Variants in STARD13 observed in about 807,000 individuals in gnomAD.
STARD13 encodes the protein StAR related lipid transfer domain containing 13.
STARD13 carries 62 observed loss-of-function variants against 106.4 expected under a neutral mutation model. The ratio of observed to expected loss-of-function variants is 0.58; its 90% CI spans 0.48 to 0.72. The LOEUF (loss-of-function observed/expected upper bound fraction) is 0.72. Among genes scored for constraint, STARD13 ranks in the 30% least tolerant of loss-of-function variants. The probability of loss-of-function intolerance (pLI) is 0.00; values close to 1 mark genes in which losing one functional copy is unlikely to be tolerated. For synonymous variants in STARD13, 565 were observed against 553.0 expected (o/e 1.02, Z -0.31); for missense variants, 1,387 against 1,424.0 (o/e 0.97, Z 0.42).
intron 3 of STARD13, among the ~76,000 whole-genome samples, chr13:33,152,346 C>T (rs947759936): frequency 2.7e-5 from 4 of 149,932 alleles, no homozygotes; most frequent in Admixed American, 1.3e-4. Flanking sequence ...TTTTTTTCTT[C>T]TTCTCTTCTC....
intron 3 of STARD13, chr13:33,155,404 A>G (rs969737261): frequency 1.3e-5 from 2 of 152,206 alleles, no homozygotes; most frequent in African/African-American, 4.8e-5. Flanking sequence ...CACTCACTAA[A>G]TGTTAGCCAT....
chr13:33,241,880 A>C (rs1433642247), intron 1 of STARD13, among the ~76,000 whole-genome samples: 1 of 152,088 alleles, frequency 6.6e-6, no homozygotes, highest in Non-Finnish European at 1.5e-5. Flanking sequence ...GGCCTGATCT[A>C]GGCTCACTAC....
At chr13:33,650,483 C>G in the STARD13 span, among the ~76,000 whole-genome samples, 7 of 152,024 alleles carry the variant, frequency 4.6e-5, no homozygotes, top group Admixed American at 3.9e-4. Context: ...AGCCACCGCG[C>G]CCGGCCGACT....
At chr13:33,230,818 T>TGCCA (rs1158881134) in intron 1 of STARD13, among the ~76,000 whole-genome samples, 3 of 152,346 alleles carry the variant, frequency 2.0e-5, no homozygotes, top group Admixed American at 2.0e-4. Flanking sequence ...ATGTGCAAAG[T>TGCCA]GCCAGCGAGG....
the STARD13 span, among the ~76,000 whole-genome samples, chr13:33,669,394 C>A: frequency 6.6e-6 from 1 of 152,178 alleles, no homozygotes; most frequent in Non-Finnish European, 1.5e-5. Context: ...CTCATGCTTT[C>A]TCCAGCCTCT....
At chr13:33,255,277 C>A (rs1890302909) in intron 1 of STARD13, among the ~76,000 whole-genome samples, 1 of 152,242 alleles carries the variant, frequency 6.6e-6, no homozygotes, top group South Asian at 2.1e-4. Context: ...CTCAGAGGGA[C>A]CCCAGTGTCA....
At chr13:33,197,790 A>G (rs1886741570) in intron 1 of STARD13, among the ~76,000 whole-genome samples, 1 of 152,196 alleles carries the variant, frequency 6.6e-6, no homozygotes, top group East Asian at 1.9e-4. Context: ...ATTGCCACTG[A>G]ATTTCCATCC....
chr13:33,262,631 A>C, intron 1 of STARD13, among the ~76,000 whole-genome samples: 2 of 132,338 alleles, frequency 1.5e-5, no homozygotes, highest in Non-Finnish European at 3.2e-5. Flanking sequence ...CCCACACCAC[A>C]CCCAGAACCC....
At chr13:33,431,160 T>G in the STARD13 span, among the ~76,000 whole-genome samples, 3 of 152,326 alleles carry the variant, frequency 2.0e-5, no homozygotes, top group East Asian at 5.8e-4. Flanking sequence ...ATGAATGTAT[T>G]AAATTATCAC....
chr13:33,207,015 T>C (rs1212810343), intron 1 of STARD13, among the ~76,000 whole-genome samples: 1 of 152,226 alleles, frequency 6.6e-6, no homozygotes, highest in Non-Finnish European at 1.5e-5. Context: ...AAGAACTTTG[T>C]TGTTATTATG....
chr13:33,205,791 CCT>C (rs1887377655), intron 1 of STARD13: 1 of 935,216 alleles, frequency 1.1e-6, no homozygotes, highest in Non-Finnish European at 1.3e-6. Flanking sequence ...ACCACCACGA[CCT>C]CTTTTTCTAT....
the STARD13 span, among the ~76,000 whole-genome samples, chr13:33,604,406 C>A: frequency 2.0e-5 from 3 of 152,126 alleles, no homozygotes; most frequent in African/African-American, 4.8e-5. Flanking sequence ...AGGAGAAGAT[C>A]TTAGGAGAAA....
At chr13:33,635,956 C>T in the STARD13 span, among the ~76,000 whole-genome samples, 1 of 151,878 alleles carries the variant, frequency 6.6e-6, no homozygotes, top group African/African-American at 2.4e-5. Flanking sequence ...TGCACTTCAG[C>T]CTGGGCGACA....
chr13:33,170,781 T>C (rs1373771688), intron 1 of STARD13, among the ~76,000 whole-genome samples: 1 of 152,116 alleles, frequency 6.6e-6, no homozygotes, highest in Non-Finnish European at 1.5e-5. Context: ...AGTCCCAACA[T>C]CTTGATACCT....
At chr13:33,163,887 A>G (rs1883037873) in intron 3 of STARD13, among the ~76,000 whole-genome samples, 1 of 151,784 alleles carries the variant, frequency 6.6e-6, no homozygotes, top group Non-Finnish European at 1.5e-5. Flanking sequence ...AAACTGAGAG[A>G]TAAAACTCAG....
rs71196510 is a variant in STARD13, at chr13:33,190,588, C to CTTT, written c.170-22969_170-22967dup. ...ATTTCGTTTTCTTTTCTTTTCTTTT[C>CTTT]TTTTTTTTTTTTTTTTGAGACCAAG... On this transcript the variant is annotated intron_variant, in intron 1 of 13. Coordinates refer to ENST00000336934, the MANE Select transcript of STARD13 (RefSeq NM_178006.4). 3.1e-3 allele frequency among the ~76,000 whole-genome samples: 407 copies of CTTT among 131,186 alleles called. 2 individuals carry two copies. The highest frequency in any genetic ancestry group is 0.011 in the African/African-American group (372 of 34,016). 86.1% of individuals were successfully genotyped at this position (131,186 alleles called of 152,430 possible). A position where few individuals can be genotyped will look rare whatever the true frequency, so the allele number is the denominator to read the frequency against.
chr13:33,356,413 T>C, the STARD13 span, among the ~76,000 whole-genome samples: 1 of 152,136 alleles, frequency 6.6e-6, no homozygotes, highest in Non-Finnish European at 1.5e-5. Flanking sequence ...AATGAACACA[T>C]CATCTGAAGA....
chr13:33,358,593 T>G, the STARD13 span, among the ~76,000 whole-genome samples: 1 of 151,792 alleles, frequency 6.6e-6, no homozygotes, highest in African/African-American at 2.4e-5. Flanking sequence ...GTATCTGCTC[T>G]CTGGTGAGAG....
Position 33,188,905 on chromosome 13 carries a change from AC to A in STARD13, c.170-21284del, listed in dbSNP as rs1886004220. On this transcript the variant is annotated intron_variant, in intron 1 of 13. Transcript: ENST00000336934. ...TAACAAAACCCATGAAATCCCTTAGACTTTTGTAATTATTTTCCGGCTAACT... is the reference window on the plus strand; with the variant it reads ...TAACAAAACCCATGAAATCCCTTAGATTTTGTAATTATTTTCCGGCTAACT... 2.0e-5 allele frequency among the ~76,000 whole-genome samples: 3 copies of A among 152,144 alleles called. No homozygotes were observed. In the South Asian group the frequency reaches 6.2e-4, roughly 32 times the overall value.
Sources: allele counts gnomAD v4.1 joint callset (sites outside exome capture counted in the v4.1 genomes callset), GRCh38; gene constraint gnomAD v4.1.1; transcripts MANE v1.5; gene names NCBI Gene and HGNC (gene_info 2026-07-23, HGNC 2026-07-21).